TMIGD3: variants seen among roughly 807,000 people sequenced by gnomAD.
TMIGD3 encodes transmembrane and immunoglobulin domain containing 3.
In TMIGD3, 21 loss-of-function variants were observed where a neutral mutation model predicts 28.1. That is an observed-to-expected ratio of 0.75 (90% CI 0.53 to 1.08). TMIGD3 has a LOEUF of 1.08. Ranked by LOEUF, TMIGD3 falls within the 50% of genes least tolerant of loss-of-function variation. TMIGD3 has a pLI of 0.00. For missense variants in TMIGD3, 416 were observed against 435.6 expected (o/e 0.96, Z 0.40); for synonymous variants, 151 against 162.1 (o/e 0.93, Z 0.52).
chr1:111,562,838 T>C (rs1571471091), intron 1 of TMIGD3, among the ~76,000 whole-genome samples: 1 of 152,354 alleles, frequency 6.6e-6, no homozygotes, highest in South Asian at 2.1e-4. Context: ...TGCTTTTAGT[T>C]CTCAATCAAT....
intron 1 of TMIGD3, among the ~76,000 whole-genome samples, chr1:111,510,259 A>C (rs1465073555): frequency 6.6e-6 from 1 of 152,172 alleles, no homozygotes; most frequent in Non-Finnish European, 1.5e-5. Flanking sequence ...ACAGCACTGC[A>C]AAACCGTTTT....
intron 1 of TMIGD3, among the ~76,000 whole-genome samples, chr1:111,537,760 A>G (rs1656688022): frequency 6.6e-6 from 1 of 152,248 alleles, no homozygotes; most frequent in Non-Finnish European, 1.5e-5. Context: ...GAGCAATCTT[A>G]TTTTACCAAG....
intron 1 of TMIGD3, among the ~76,000 whole-genome samples, chr1:111,549,762 C>G (rs572100019): frequency 6.6e-6 from 1 of 152,264 alleles, no homozygotes; most frequent in South Asian, 2.1e-4. Flanking sequence ...GATCCTTCCA[C>G]TGCAGCCCCC....
chr1:111,498,234 C>T (rs1654981302), intron 1 of TMIGD3, among the ~76,000 whole-genome samples: 1 of 152,236 alleles, frequency 6.6e-6, no homozygotes, highest in Admixed American at 6.5e-5. Flanking sequence ...TTCAGATACG[C>T]TTACCCACTT....
chr1:111,558,453 C>T (rs1263101559), intron 1 of TMIGD3, among the ~76,000 whole-genome samples: 1 of 152,030 alleles, frequency 6.6e-6, no homozygotes, highest in African/African-American at 2.4e-5. Context: ...TCCCAAAGTG[C>T]TGGGACTACA....
chr1:111,483,892 G>T, intron 5 of TMIGD3, 135 bp from the exon 6 acceptor site: 1 of 686,258 alleles, frequency 1.5e-6, no homozygotes, highest in Non-Finnish European at 2.6e-6. Flanking sequence ...TTTCAGGGCT[G>T]AGATCAGATA....
chr1:111,505,883 T>C (rs1377766002), upstream of TMIGD3, among the ~76,000 whole-genome samples: 1 of 152,166 alleles, frequency 6.6e-6, no homozygotes, highest in Non-Finnish European at 1.5e-5. Flanking sequence ...TATACCCTTC[T>C]GATGGGTCTC....
At chr1:111,489,448 G>T in intron 2 of TMIGD3, 1 of 595,942 alleles carries the variant, frequency 1.7e-6, no homozygotes, top group Non-Finnish European at 2.2e-6. Context: ...CTTGCCAAAT[G>T]CCTCGATCTT....
chr1:111,525,936 C>A, intron 1 of TMIGD3, among the ~76,000 whole-genome samples: 2 of 152,190 alleles, frequency 1.3e-5, no homozygotes, highest in South Asian at 4.2e-4. Flanking sequence ...ATTTTTTTAT[C>A]TAATCTGATA....
In TMIGD3 at chr1:111,552,963, C is replaced by G. The variant is rs12079683; in HGVS notation, c.107+10883G>C. 2.4e-3 allele frequency among the ~76,000 whole-genome samples: 364 copies of G among 152,338 alleles called. 2 individuals are homozygous for G. The highest frequency in any genetic ancestry group is 6.8e-3 in the African/African-American group (283 of 41,590). On this transcript the variant is annotated intron_variant, in intron 1 of 5. Coordinates refer to the TMIGD3 transcript ENST00000369717. ...GCTAAATTTATTAAGATTATATACTCATCTCTAGGACTATTACAATGAGCA... is the reference window on the plus strand; with the variant it reads ...GCTAAATTTATTAAGATTATATACTGATCTCTAGGACTATTACAATGAGCA...
intron 2 of TMIGD3, chr1:111,489,874 G>T (rs991457169): frequency 1.9e-6 from 1 of 514,860 alleles, no homozygotes; most frequent in African/African-American, 2.1e-5. Context: ...AGGAAGTCAC[G>T]CACACCATGT....
At chr1:111,559,316 G>A (rs918581687) in intron 1 of TMIGD3, among the ~76,000 whole-genome samples, 1 of 152,036 alleles carries the variant, frequency 6.6e-6, no homozygotes, top group African/African-American at 2.4e-5. Context: ...TGGAAGGAAG[G>A]AATTTATTCA....
At chr1:111,547,955 T>C (rs1657099174) in intron 1 of TMIGD3, among the ~76,000 whole-genome samples, 1 of 152,240 alleles carries the variant, frequency 6.6e-6, no homozygotes, top group Non-Finnish European at 1.5e-5. Context: ...AAAAAACTGT[T>C]GCTGTGACCT....
chr1:111,557,943 T>C (rs1657569935), intron 1 of TMIGD3, among the ~76,000 whole-genome samples: 1 of 152,056 alleles, frequency 6.6e-6, no homozygotes, highest in African/African-American at 2.4e-5. Flanking sequence ...AAATTATGCA[T>C]GTTAAGATTT....
At chr1:111,558,491 A>G (rs1302621967) in intron 1 of TMIGD3, among the ~76,000 whole-genome samples, 1 of 152,154 alleles carries the variant, frequency 6.6e-6, no homozygotes, top group Non-Finnish European at 1.5e-5. Flanking sequence ...CTGGAGGGAA[A>G]TAATTTTTAA....
At chr1:111,538,871 A>G (rs1656728821) in intron 1 of TMIGD3, among the ~76,000 whole-genome samples, 1 of 152,212 alleles carries the variant, frequency 6.6e-6, no homozygotes, top group Non-Finnish European at 1.5e-5. Context: ...TGCCCTGTAT[A>G]GTCATCACCT....
chr1:111,487,131 G>A (rs546338937), intron 3 of TMIGD3, among the ~76,000 whole-genome samples: 1 of 152,152 alleles, frequency 6.6e-6, no homozygotes, highest in South Asian at 2.1e-4. Flanking sequence ...GTGGCACCAC[G>A]ACCACCTACG....
upstream of TMIGD3, among the ~76,000 whole-genome samples, chr1:111,507,001 A>G (rs770791881): frequency 5.8e-4 from 51 of 87,280 alleles, no homozygotes; most frequent in Non-Finnish European, 1.2e-3. Flanking sequence ...ACATATATAC[A>G]CACACATATG....
rs762171212 is a variant in TMIGD3 at position 111,513,530 on chromosome 1, A to AGGGCT, written c.108-22773_108-22769dup. 2.0e-5 allele frequency among the ~76,000 whole-genome samples: 3 copies of AGGGCT among 152,362 alleles called. No individual in the cohort carries two copies. In the South Asian group the frequency reaches 6.2e-4, roughly 32 times the overall value. On this transcript the variant is annotated intron_variant, in intron 1 of 5. Transcript: ENST00000369717. ...TATTCTAGGTTGGGAGTTTAGCCTCAGGGCTGGGCTGGGGAGCCAGGCTCT... is the reference window on the plus strand; with the variant it reads ...TATTCTAGGTTGGGAGTTTAGCCTCAGGGCTGGGCTGGGCTGGGGAGCCAGGCTCT...
Sources: allele counts gnomAD v4.1 joint callset (sites outside exome capture counted in the v4.1 genomes callset), GRCh38; gene constraint gnomAD v4.1.1; transcripts MANE v1.5; gene names NCBI Gene and HGNC (gene_info 2026-07-23, HGNC 2026-07-21).